Variants in QTMAN observed in about 807,000 individuals in gnomAD.
QTMAN encodes the protein queuosine-tRNA mannosyltransferase, also known as tRNA-queuosine alpha-mannosyltransferase.
At chr2:144,006,756 G>A in the QTMAN span, 1 of 155,512 alleles carries the variant, frequency 6.4e-6, no homozygotes, top group Non-Finnish European at 1.4e-5. Context: ...AAGCCACCCT[G>A]TTGAAACTGG....
the QTMAN span, among the ~76,000 whole-genome samples, chr2:144,284,531 A>G: frequency 6.6e-6 from 1 of 152,180 alleles, no homozygotes. Context: ...CCTCTGAGTA[A>G]TGGAATCATG....
the QTMAN span, among the ~76,000 whole-genome samples, chr2:144,182,894 A>AATATATATATATATTATATATATATTT: frequency 4.4e-5 from 4 of 90,498 alleles, no homozygotes; most frequent in African/African-American, 1.8e-4. Flanking sequence ...TTTTATATAT[A>AATATATATATATATTATATATATATTT]TATATATTAT....
the QTMAN span, among the ~76,000 whole-genome samples, chr2:144,049,952 G>A: frequency 6.6e-6 from 1 of 152,140 alleles, no homozygotes; most frequent in Non-Finnish European, 1.5e-5. Context: ...TGGTATTGCA[G>A]ACGTGGGAAA....
the QTMAN span, chr2:144,178,989 G>A: frequency 2.4e-5 from 11 of 466,566 alleles, no homozygotes; most frequent in East Asian, 7.0e-5. Context: ...AGAGAAACTC[G>A]TTACTTTCCC....
chr2:144,231,144 C>A, the QTMAN span, among the ~76,000 whole-genome samples: 21 of 152,106 alleles, frequency 1.4e-4, no homozygotes, highest in African/African-American at 5.1e-4. Flanking sequence ...TCATGCAATA[C>A]TATCTATTGA....
At chr2:144,115,170 G>A in the QTMAN span, among the ~76,000 whole-genome samples, 4 of 152,118 alleles carry the variant, frequency 2.6e-5, no homozygotes, top group East Asian at 7.7e-4. Flanking sequence ...GGCGGAGGTT[G>A]CAGTAAGCCG....
the QTMAN span, among the ~76,000 whole-genome samples, chr2:144,182,511 G>A: frequency 6.6e-6 from 1 of 151,158 alleles, no homozygotes; most frequent in African/African-American, 2.4e-5. Flanking sequence ...AGGCATGGCG[G>A]TGCACATCTG....
the QTMAN span, among the ~76,000 whole-genome samples, chr2:143,991,629 C>A: frequency 2.3e-3 from 336 of 144,916 alleles, no homozygotes; most frequent in African/African-American, 8.1e-3. Flanking sequence ...CCCGGCCGCC[C>A]CTACTGGGAA....
chr2:144,091,656 T>C, the QTMAN span, among the ~76,000 whole-genome samples: 1 of 152,150 alleles, frequency 6.6e-6, no homozygotes, highest in East Asian at 1.9e-4. Flanking sequence ...AAATCTACCA[T>C]ATGATCCCGC....
At chr2:144,089,797 A>G in the QTMAN span, among the ~76,000 whole-genome samples, 10 of 152,038 alleles carry the variant, frequency 6.6e-5, no homozygotes, top group East Asian at 1.5e-3. Context: ...GAGGATGAAC[A>G]GAAGTGGGTT....
chr2:144,024,146 C>A, the QTMAN span, among the ~76,000 whole-genome samples: 1 of 152,218 alleles, frequency 6.6e-6, no homozygotes, highest in Non-Finnish European at 1.5e-5. Flanking sequence ...TGTATTCCAA[C>A]AGAGAATTAT....
At chr2:144,144,984 G>GAGA in the QTMAN span, among the ~76,000 whole-genome samples, 7,171 of 151,418 alleles carry the variant, frequency 0.047, 546 homozygotes, top group African/African-American at 0.16. Context: ...AGTAACAATA[G>GAGA]AGGACCATCA....
chr2:144,092,966 C>T, the QTMAN span, among the ~76,000 whole-genome samples: 18 of 148,196 alleles, frequency 1.2e-4, no homozygotes, highest in East Asian at 2.9e-3. Flanking sequence ...TATGAAAGTC[C>T]TATTCTAGTA....
the QTMAN span, among the ~76,000 whole-genome samples, chr2:144,185,673 G>A: frequency 3.1e-3 from 477 of 152,230 alleles, 1 homozygote; most frequent in Admixed American, 6.6e-3. Flanking sequence ...AATTTCTGAC[G>A]AGATGCAACA....
the QTMAN span, among the ~76,000 whole-genome samples, chr2:144,090,747 T>C: frequency 6.6e-6 from 1 of 152,088 alleles, no homozygotes; most frequent in Admixed American, 6.5e-5. Flanking sequence ...GAAGATTCAA[T>C]ACTGTTAATA....
chr2:144,217,053 A>T, the QTMAN span, among the ~76,000 whole-genome samples: 1 of 152,166 alleles, frequency 6.6e-6, no homozygotes, highest in African/African-American at 2.4e-5. Context: ...CTTCTCAAAG[A>T]TGGCTTTTCT....
chr2:144,302,457 A>C, the QTMAN span, among the ~76,000 whole-genome samples: 1 of 152,122 alleles, frequency 6.6e-6, no homozygotes, highest in African/African-American at 2.4e-5. Flanking sequence ...CCTAACTTAG[A>C]ATTACAGCCA....
At chr2:144,025,512 G>T in the QTMAN span, among the ~76,000 whole-genome samples, 1 of 152,206 alleles carries the variant, frequency 6.6e-6, no homozygotes, top group Non-Finnish European at 1.5e-5. Flanking sequence ...GGGCCTAGTG[G>T]TGCGGGGAGG....
At chr2:144,280,836 T>C in the QTMAN span, among the ~76,000 whole-genome samples, 17 of 151,952 alleles carry the variant, frequency 1.1e-4, no homozygotes, top group African/African-American at 3.1e-4. Context: ...AGATGCTCAA[T>C]GTTAACAATG....
Sources: allele counts gnomAD v4.1 joint callset (sites outside exome capture counted in the v4.1 genomes callset), GRCh38; gene constraint gnomAD v4.1.1; transcripts MANE v1.5; gene names NCBI Gene and HGNC (gene_info 2026-07-23, HGNC 2026-07-21).